The following ARHGAP28 variants were observed in gnomAD, a reference collection of about 807,000 sequenced individuals.
ARHGAP28 encodes the protein Rho GTPase activating protein 28.
ARHGAP28 carries 56 observed loss-of-function variants against 90.7 expected under a neutral mutation model. The ratio of observed to expected loss-of-function variants is 0.62; its 90% confidence interval spans 0.50 to 0.77. The LOEUF is 0.77. Among genes scored for constraint, ARHGAP28 ranks in the 30% least tolerant of loss-of-function variants. The pLI, the probability that ARHGAP28 is intolerant of heterozygous loss-of-function variation, is 0.00. For synonymous variants in ARHGAP28, 308 were observed against 323.3 expected (o/e 0.95, Z 0.51); for missense variants, 869 against 900.9 (o/e 0.96, Z 0.45).
At chr18:6,803,399 C>T (rs1273948380) in intron 1 of ARHGAP28, among the ~76,000 whole-genome samples, 4 of 151,716 alleles carry the variant, frequency 2.6e-5, no homozygotes, top group East Asian at 1.9e-4. Flanking sequence ...ATTTTTCAAA[C>T]GTTAAATCAT....
chr18:6,866,575 G>T (rs561238562), intron 5 of ARHGAP28, among the ~76,000 whole-genome samples: 1 of 152,236 alleles, frequency 6.6e-6, no homozygotes, highest in East Asian at 1.9e-4. Context: ...CTTGCAGTTG[G>T]TATTACAGAA....
intron 2 of ARHGAP28, among the ~76,000 whole-genome samples, chr18:6,826,745 G>C (rs2056667327): frequency 7.6e-6 from 1 of 130,768 alleles, no homozygotes; most frequent in Non-Finnish European, 1.6e-5. Flanking sequence ...AGGGGGATTT[G>C]GCCGGGTCAT....
At chr18:6,769,941 G>A (rs1447963504) in intron 1 of ARHGAP28, among the ~76,000 whole-genome samples, 1 of 152,150 alleles carries the variant, frequency 6.6e-6, no homozygotes, top group Non-Finnish European at 1.5e-5. Context: ...GAATTAACTT[G>A]CCATCAAAAT....
chr18:6,807,527 A>G (rs1000871447), intron 1 of ARHGAP28, among the ~76,000 whole-genome samples: 1 of 152,162 alleles, frequency 6.6e-6, no homozygotes, highest in Admixed American at 6.5e-5. Flanking sequence ...CATTTAGTCT[A>G]AGAAAAAGCT....
At chr18:6,786,629 G>A (rs2056366869) in intron 1 of ARHGAP28, among the ~76,000 whole-genome samples, 1 of 152,066 alleles carries the variant, frequency 6.6e-6, no homozygotes, top group Non-Finnish European at 1.5e-5. Flanking sequence ...CTATTGATAG[G>A]TGAATCCCTG....
chr18:6,768,403 AG>A (rs990878557), intron 1 of ARHGAP28, among the ~76,000 whole-genome samples: 4 of 152,096 alleles, frequency 2.6e-5, no homozygotes, highest in African/African-American at 9.7e-5. Context: ...AGTTTTGTTA[AG>A]GGAGGTCTAG....
rs560892515 is a variant in ARHGAP28, at chr18:6,827,103, G to A, written c.325+2139G>A. Among the ~76,000 whole-genome samples, 260 of 152,210 alleles carry A rather than the reference G, an allele frequency of 1.7e-3. 2 individuals carry two copies. Among genetic ancestry groups the A allele is most frequent in the African/African-American group, 6.2e-3 (256 of 41,548 alleles). ...TGTCTACCTCTTTCTACACAGACAC[G>A]GCAACCATCCGATTTCTCAGTCTCT... On this transcript the variant is annotated intron_variant, in intron 2 of 17. Coordinates refer to ENST00000383472, the MANE Select transcript of ARHGAP28 (RefSeq NM_001366230.1).
intron 16 of ARHGAP28, among the ~76,000 whole-genome samples, chr18:6,907,943 G>A (rs994531424): frequency 1.3e-5 from 2 of 152,126 alleles, no homozygotes; most frequent in African/African-American, 4.8e-5. Context: ...TCCTCACAGT[G>A]GAGAGGCCAG....
At chr18:6,863,425 T>C (rs142109815) in intron 5 of ARHGAP28, among the ~76,000 whole-genome samples, 1 of 151,540 alleles carries the variant, frequency 6.6e-6, no homozygotes, top group Admixed American at 6.6e-5. Flanking sequence ...ATTGGGTTCA[T>C]CCAAGAAATA....
At chr18:6,870,219 C>T (rs188126510) in intron 6 of ARHGAP28, among the ~76,000 whole-genome samples, 5 of 152,266 alleles carry the variant, frequency 3.3e-5, no homozygotes, top group East Asian at 3.9e-4. Context: ...TCTGCTTACC[C>T]GTAACAGTGA....
At chr18:6,789,206 G>A (rs1200963647) in intron 1 of ARHGAP28, 1 of 152,176 alleles carries the variant, frequency 6.6e-6, no homozygotes, top group East Asian at 1.9e-4. Context: ...TTTATGACAT[G>A]CATAGAGTTG....
Position 6,824,712 on chromosome 18 carries a change from A to C in ARHGAP28, c.123-50A>C. The C allele has an allele frequency of 2.1e-6, 3 of 1,427,990 alleles. No homozygotes were observed. The South Asian group carries it at 4.0e-5, about 19-fold the overall frequency. The allele number at this position is 1,427,990 out of a possible 1,614,324, so 88.5% of individuals were successfully genotyped here. ...ATTAAATTTAATTTTGTGGCTTTAT[A>C]ACATAAAAATATAACCCGTTTTTAT... On this transcript the variant is annotated intron_variant, in intron 1 of 17. Coordinates refer to ENST00000383472, the MANE Select transcript of ARHGAP28 (RefSeq NM_001366230.1).
intron 5 of ARHGAP28, among the ~76,000 whole-genome samples, chr18:6,865,295 T>C (rs1252922747): frequency 3.9e-5 from 6 of 152,232 alleles, no homozygotes; most frequent in African/African-American, 1.4e-4. Context: ...AATGTTTTAA[T>C]TCAAGACATC....
At chr18:6,902,467 A>G (rs2057343263) in intron 16 of ARHGAP28, among the ~76,000 whole-genome samples, 1 of 152,172 alleles carries the variant, frequency 6.6e-6, no homozygotes, top group Admixed American at 6.5e-5. Flanking sequence ...TTTCAATGCT[A>G]GAATAATTTC....
At chr18:6,792,916 C>G (rs2056416476) in intron 1 of ARHGAP28, among the ~76,000 whole-genome samples, 1 of 152,306 alleles carries the variant, frequency 6.6e-6, no homozygotes, top group Middle Eastern at 3.4e-3. Flanking sequence ...CAAATGAAAT[C>G]TGTTCCCTAA....
At chr18:6,815,276 C>T (rs899620948) in intron 1 of ARHGAP28, among the ~76,000 whole-genome samples, 5 of 152,186 alleles carry the variant, frequency 3.3e-5, no homozygotes, top group Non-Finnish European at 7.4e-5. Context: ...CATTTCCTAC[C>T]TCTGACTGTT....
intron 16 of ARHGAP28, among the ~76,000 whole-genome samples, chr18:6,905,310 A>G (rs369155222): frequency 1.0e-3 from 157 of 152,226 alleles, no homozygotes; most frequent in African/African-American, 3.7e-3. Context: ...AGGAGAAACC[A>G]TAGAGTCATT....
chr18:6,841,814 G>A (rs941043563), intron 3 of ARHGAP28, among the ~76,000 whole-genome samples: 1 of 151,942 alleles, frequency 6.6e-6, no homozygotes, highest in Admixed American at 6.6e-5. Flanking sequence ...AATTCATCCT[G>A]GTCAGTACTA....
At chr18:6,887,528 C>A (rs2057232492) in intron 12 of ARHGAP28, among the ~76,000 whole-genome samples, 2 of 150,354 alleles carry the variant, frequency 1.3e-5, no homozygotes, top group Admixed American at 6.7e-5. Flanking sequence ...CTTCCCAGGG[C>A]CAGGTGATTC....
Sources: allele counts gnomAD v4.1 joint callset (sites outside exome capture counted in the v4.1 genomes callset), GRCh38; gene constraint gnomAD v4.1.1; transcripts MANE v1.5; gene names NCBI Gene and HGNC (gene_info 2026-07-23, HGNC 2026-07-21).